Variants in ELAPOR2 observed in about 807,000 individuals in gnomAD.
ELAPOR2 encodes the protein endosome/lysosome-associated apoptosis and autophagy regulator family member 2.
In ELAPOR2, 89 loss-of-function variants were observed where a neutral mutation model predicts 120.7. The ratio of observed to expected loss-of-function variants is 0.74; its 90% confidence interval spans 0.62 to 0.88. The LOEUF (loss-of-function observed/expected upper bound fraction) is 0.88, where lower values mean the gene tolerates loss of function less well. Among genes scored for constraint, ELAPOR2 ranks in the 40% least tolerant of loss-of-function variants. ELAPOR2 has a pLI of 0.00. For synonymous variants in ELAPOR2, 444 were observed against 444.9 expected (o/e 1.00, Z 0.03); for missense variants, 1,134 against 1,251.6 (o/e 0.91, Z 1.42).
At chr7:86,979,187 A>C (rs1792377574) in intron 1 of ELAPOR2, among the ~76,000 whole-genome samples, 1 of 152,222 alleles carries the variant, frequency 6.6e-6, no homozygotes, top group Non-Finnish European at 1.5e-5. Context: ...TGTATACAAA[A>C]GATTACCTCT....
At chr7:86,973,968 A>C (rs959060402) in intron 1 of ELAPOR2, among the ~76,000 whole-genome samples, 27 of 152,068 alleles carry the variant, frequency 1.8e-4, no homozygotes, top group African/African-American at 6.3e-4. Context: ...AAAATTTAAA[A>C]TTTCTTAGAA....
intron 1 of ELAPOR2, among the ~76,000 whole-genome samples, chr7:87,037,254 C>G (rs1037556943): frequency 6.6e-6 from 1 of 152,144 alleles, no homozygotes; most frequent in African/African-American, 2.4e-5. Flanking sequence ...AGCTGCACTC[C>G]TGTACATCCA....
chr7:86,966,966 A>G (rs182394378), intron 1 of ELAPOR2, among the ~76,000 whole-genome samples: 1 of 152,152 alleles, frequency 6.6e-6, no homozygotes, highest in Admixed American at 6.5e-5. Context: ...CTCACTTTAA[A>G]TCTTCAAAGT....
chr7:87,017,091 C>A (rs60851079), intron 1 of ELAPOR2, among the ~76,000 whole-genome samples: 1 of 151,968 alleles, frequency 6.6e-6, no homozygotes, highest in African/African-American at 2.4e-5. Context: ...ATGTTGAAGA[C>A]GAAATTTGTA....
intron 1 of ELAPOR2, among the ~76,000 whole-genome samples, chr7:87,019,881 T>C (rs867428788): frequency 6.6e-6 from 1 of 152,318 alleles, no homozygotes; most frequent in Middle Eastern, 3.4e-3. Flanking sequence ...TTTTATCACT[T>C]GATATTGGTA....
intron 1 of ELAPOR2, among the ~76,000 whole-genome samples, chr7:87,039,288 G>T (rs902178794): frequency 6.6e-6 from 1 of 151,706 alleles, no homozygotes; most frequent in African/African-American, 2.4e-5. Flanking sequence ...GTAAAGAAAA[G>T]CCTGGGACCC....
intron 1 of ELAPOR2, among the ~76,000 whole-genome samples, chr7:87,052,952 A>G (rs1795158042): frequency 6.6e-6 from 1 of 152,008 alleles, no homozygotes; most frequent in African/African-American, 2.4e-5. Context: ...CCATGCCACC[A>G]TGCCCAGCTG....
intron 1 of ELAPOR2, among the ~76,000 whole-genome samples, chr7:87,027,426 T>A (rs1384813279): frequency 6.6e-6 from 1 of 152,142 alleles, no homozygotes; most frequent in African/African-American, 2.4e-5. Flanking sequence ...GTCATTAGAA[T>A]AAAACTTCAG....
At chr7:87,054,565 G>A (rs1795206243) in intron 1 of ELAPOR2, among the ~76,000 whole-genome samples, 1 of 152,164 alleles carries the variant, frequency 6.6e-6, no homozygotes, top group African/African-American at 2.4e-5. Flanking sequence ...TTCACCCATA[G>A]CCCATGGCCT....
intron 1 of ELAPOR2, among the ~76,000 whole-genome samples, chr7:86,983,937 G>C (rs1792609372): frequency 6.6e-6 from 1 of 152,274 alleles, no homozygotes; most frequent in East Asian, 1.9e-4. Context: ...GTATTCAGGA[G>C]ACCCATCTCA....
At chr7:87,054,949 C>T (rs571355112) in intron 1 of ELAPOR2, among the ~76,000 whole-genome samples, 84 of 152,330 alleles carry the variant, frequency 5.5e-4, no homozygotes, top group African/African-American at 1.9e-3. Context: ...TTCTTCTTTA[C>T]CAGCCATTGC....
intron 16 of ELAPOR2, 49 bp downstream of exon 16, chr7:86,909,763 A>G: frequency 7.0e-7 from 1 of 1,426,726 alleles, no homozygotes; most frequent in Non-Finnish European, 9.5e-7. Context: ...TTCATAGCAT[A>G]ATTTAAGAAT....
intron 1 of ELAPOR2, among the ~76,000 whole-genome samples, chr7:86,997,858 G>A (rs947425689): frequency 6.6e-6 from 1 of 152,150 alleles, no homozygotes; most frequent in Non-Finnish European, 1.5e-5. Context: ...CCTAACCTGA[G>A]TGGTTAGCTA....
At chr7:86,991,966 G>A (rs1316811844) in intron 1 of ELAPOR2, among the ~76,000 whole-genome samples, 2 of 152,232 alleles carry the variant, frequency 1.3e-5, no homozygotes, top group Non-Finnish European at 2.9e-5. Flanking sequence ...CTGGGAAAGG[G>A]TGCTTTAACT....
In ELAPOR2 at chr7:86,912,936, C is replaced by A; in HGVS notation, c.1995+5G>T. 2.5e-6 allele frequency: 4 copies of A among 1,613,614 alleles called. No individual in the cohort carries two copies. The highest frequency in any genetic ancestry group is 3.4e-6 in the Non-Finnish European group (4 of 1,179,608). The stretch of plus-strand genomic sequence containing the variant: ...TGGGGATACCTGAAATGCAGACCCA[C>A]TTACCTGATTGTTTTTACTCCCAGG... On this transcript the variant is annotated splice_donor_5th_base_variant and intron_variant, in intron 14 of 21. Coordinates refer to ENST00000450689, the MANE Select transcript of ELAPOR2 (RefSeq NM_001142749.3).
chr7:86,902,060 A>G (rs1248540161), intron 18 of ELAPOR2, among the ~76,000 whole-genome samples: 1 of 152,224 alleles, frequency 6.6e-6, no homozygotes. Context: ...TCACAATGTC[A>G]GCAGATTCAG....
intron 1 of ELAPOR2, among the ~76,000 whole-genome samples, chr7:87,023,825 C>T (rs1403291955): frequency 1.3e-5 from 2 of 152,150 alleles, no homozygotes; most frequent in African/African-American, 4.8e-5. Flanking sequence ...TGCTTTGAAG[C>T]AATTGTGAAT....
At chr7:87,030,312 G>C (rs946370277) in intron 1 of ELAPOR2, among the ~76,000 whole-genome samples, 1 of 151,906 alleles carries the variant, frequency 6.6e-6, no homozygotes, top group Non-Finnish European at 1.5e-5. Flanking sequence ...TCTCTTCCTG[G>C]AACAATATAA....
intron 1 of ELAPOR2, among the ~76,000 whole-genome samples, chr7:87,020,958 C>A (rs984153692): frequency 1.3e-5 from 2 of 152,032 alleles, no homozygotes; most frequent in African/African-American, 4.8e-5. Flanking sequence ...TAAAGTCTAA[C>A]ATTAATATAG....
Sources: gnomAD v4.1 joint callset for allele counts (sites outside exome capture counted in the v4.1 genomes callset) on GRCh38, gnomAD v4.1.1 for gene constraint, MANE v1.5 for transcripts, NCBI Gene and HGNC (gene_info 2026-07-23, HGNC 2026-07-21) for gene names.